The following UTRN variants were observed in gnomAD, a reference collection of about 807,000 sequenced individuals.
UTRN encodes dystrophin-related protein 1.
UTRN carries 283 observed loss-of-function variants against 463.9 expected under a neutral mutation model. That is an observed-to-expected ratio of 0.61 (90% CI 0.55 to 0.67). The LOEUF is 0.67. UTRN is among the 30% of genes least tolerant of loss of function. The pLI is 0.00. For synonymous variants in UTRN, 1,442 were observed against 1,431.5 expected, an observed-to-expected ratio of 1.01 and a Z score of -0.17; for missense variants, 3,922 against 4,084.3, an observed-to-expected ratio of 0.96 and a Z score of 1.08.
chr6:144,524,660 A>G (rs1796405845), intron 41 of UTRN, among the ~76,000 whole-genome samples: 1 of 152,046 alleles, frequency 6.6e-6, no homozygotes, highest in Non-Finnish European at 1.5e-5. Flanking sequence ...GTTCCTTTTA[A>G]CCAATTCGGA....
At chr6:144,522,295 T>C (rs1796175362) in intron 40 of UTRN, 124 bp downstream of exon 40, 1 of 716,980 alleles carries the variant, frequency 1.4e-6, no homozygotes, top group Non-Finnish European at 2.0e-6. Context: ...ATTAATAATA[T>C]GTATGACTAG....
chr6:144,486,251 C>T (rs1373242987), intron 28 of UTRN, among the ~76,000 whole-genome samples: 3 of 152,078 alleles, frequency 2.0e-5, no homozygotes, highest in African/African-American at 4.8e-5. Flanking sequence ...TTCCAGGAGA[C>T]GGATGCTCTG....
At chr6:144,709,410 A>G (rs866828033) in intron 53 of UTRN, among the ~76,000 whole-genome samples, 1 of 152,018 alleles carries the variant, frequency 6.6e-6, no homozygotes, top group Non-Finnish European at 1.5e-5. Flanking sequence ...TCCTTTTTGT[A>G]ATAAAGTTTA....
intron 9 of UTRN, among the ~76,000 whole-genome samples, chr6:144,430,061 G>A (rs1426170547): frequency 6.6e-6 from 1 of 152,100 alleles, no homozygotes; most frequent in East Asian, 1.9e-4. Flanking sequence ...TTTCTGTCAT[G>A]TGCTAAAGAT....
chr6:144,320,518 A>G (rs1165626003), intron 2 of UTRN, among the ~76,000 whole-genome samples: 3 of 152,230 alleles, frequency 2.0e-5, no homozygotes, highest in African/African-American at 7.2e-5. Context: ...AAGAATGATT[A>G]TGAAATAATC....
chr6:144,660,144 A>G, intron 51 of UTRN: 1 of 464,120 alleles, frequency 2.2e-6, no homozygotes, highest in Non-Finnish European at 4.5e-6. Flanking sequence ...ATAGCCAGAA[A>G]AGATACGGTG....
intron 74 of UTRN, 25 bp from the exon 75 acceptor site, chr6:144,850,964 A>G: frequency 1.2e-6 from 2 of 1,613,506 alleles, no homozygotes; most frequent in Non-Finnish European, 1.7e-6. Flanking sequence ...CAAATTTCTG[A>G]CAGTGCTATT....
At chr6:144,381,044 G>T (rs547831063) in intron 2 of UTRN, among the ~76,000 whole-genome samples, 1 of 151,728 alleles carries the variant, frequency 6.6e-6, no homozygotes, top group Non-Finnish European at 1.5e-5. Context: ...AAGTTAAGGG[G>T]TACATGTGTA....
Position 144,797,860 on chromosome 6 carries a change from A to G in UTRN, c.9115A>G (p.Ile3039Val). 2 of 1,614,186 alleles carry G rather than the reference A, an allele frequency of 1.2e-6. No individual in the cohort carries two copies. Among genetic ancestry groups the G allele is most frequent in the Non-Finnish European group, 1.7e-6 (2 of 1,180,010 alleles). Residue 3039 changes from isoleucine (I) to valine (V), a missense_variant, in exon 64 of 75, where the codon ATA (isoleucine) becomes GTA (valine). Around this residue, in one of 3 missense-constraint regions of UTRN, gnomAD observed 1,309 missense variants for 1,452.6 expected, o/e 0.90. Coordinates refer to ENST00000367545, the MANE Select transcript of UTRN (RefSeq NM_007124.3). ...ACCAGAAATAAGTGTGAAAGAGTTT[A>G]TAGATTGGATGCATTTGGAACCACA... is the stretch of plus-strand genomic sequence containing the variant. ...NKPEISVKEFIDWMHLEPQSM... is the reference protein window; with the variant it reads ...NKPEISVKEFVDWMHLEPQSM...
At chr6:144,511,770 G>A (rs1795195868) in intron 35 of UTRN, among the ~76,000 whole-genome samples, 1 of 152,096 alleles carries the variant, frequency 6.6e-6, no homozygotes, top group African/African-American at 2.4e-5. Context: ...CTGTAAATTT[G>A]CATCTCATGG....
chr6:144,797,696 A>C, intron 63 of UTRN, 128 bp from the exon 64 acceptor site: 2 of 920,480 alleles, frequency 2.2e-6, no homozygotes, highest in Non-Finnish European at 3.1e-6. Context: ...TTGTGACTTA[A>C]CTGACATGGA....
At chr6:144,776,791 C>T (rs1282102201) in intron 60 of UTRN, among the ~76,000 whole-genome samples, 1 of 152,004 alleles carries the variant, frequency 6.6e-6, no homozygotes, top group Non-Finnish European at 1.5e-5. Context: ...CAGTTTTTGC[C>T]GTTAAAAGTA....
intron 51 of UTRN, among the ~76,000 whole-genome samples, chr6:144,640,805 T>C (rs1405821443): frequency 2.0e-5 from 3 of 152,188 alleles, no homozygotes; most frequent in African/African-American, 7.2e-5. Context: ...AAACCTAAAA[T>C]ATACTAATTT....
At chr6:144,327,712 G>A (rs536028965) in intron 2 of UTRN, among the ~76,000 whole-genome samples, 1 of 152,150 alleles carries the variant, frequency 6.6e-6, no homozygotes, top group Non-Finnish European at 1.5e-5. Context: ...GGGAGGCCGA[G>A]TGGGTGGATC....
intron 34 of UTRN, among the ~76,000 whole-genome samples, chr6:144,502,824 A>T (rs947758770): frequency 3.3e-5 from 5 of 152,192 alleles, no homozygotes; most frequent in Non-Finnish European, 7.3e-5. Flanking sequence ...TCCTTGAGGA[A>T]TCACCTCTTC....
Position 144,840,741 on chromosome 6 carries a change from G to A in UTRN, c.10179G>A (p.Ala3393=), listed in dbSNP as rs141979832. Residue 3393 remains alanine (A), a splice_region_variant and synonymous_variant, in exon 73 of 75, where the codon GCG becomes GCA. Transcript: ENST00000367545. ...DASGPQFHQA[A]GEDLLAPPHD... Reference sequence around the variant, plus strand: ...TGTTCTCTTTATTTGCTGTCACAGCGGGAGAGGACCTGCTGGCCCCACCGC... The same window carrying A: ...TGTTCTCTTTATTTGCTGTCACAGCAGGAGAGGACCTGCTGGCCCCACCGC... 1.3e-4 allele frequency: 206 copies of A among 1,613,646 alleles called. 5 individuals are homozygous for A. The South Asian group carries it at 1.4e-3, about 11-fold the overall frequency.
intron 54 of UTRN, among the ~76,000 whole-genome samples, chr6:144,744,026 G>A (rs1167137689): frequency 6.7e-6 from 1 of 149,864 alleles, no homozygotes; most frequent in Admixed American, 6.6e-5. Context: ...GGTGGCTTAT[G>A]CCTGTAATCT....
intron 51 of UTRN, among the ~76,000 whole-genome samples, chr6:144,598,179 C>T (rs1052390899): frequency 6.6e-6 from 1 of 152,128 alleles, no homozygotes; most frequent in African/African-American, 2.4e-5. Flanking sequence ...ATAACATGTG[C>T]CCAGGGTGAT....
At chr6:144,606,151 T>G (rs1326501112) in intron 51 of UTRN, among the ~76,000 whole-genome samples, 1 of 152,226 alleles carries the variant, frequency 6.6e-6, no homozygotes, top group Non-Finnish European at 1.5e-5. Context: ...TTAGTTTTAT[T>G]CAGTACTATT....
Sources: allele counts gnomAD v4.1 joint callset (sites outside exome capture counted in the v4.1 genomes callset), GRCh38; gene constraint gnomAD v4.1.1; regional missense constraint gnomAD v4.1.1; transcripts MANE v1.5; gene names NCBI Gene and HGNC (gene_info 2026-07-23, HGNC 2026-07-21).